Variants in LRRC7 observed in about 807,000 individuals in gnomAD.
The protein encoded by LRRC7 is leucine rich repeat containing 7.
In LRRC7, 23 loss-of-function variants were observed where a neutral mutation model predicts 175.7. The observed-to-expected ratio is 0.13, with a 90% CI of 0.09 to 0.19. LRRC7 has a LOEUF of 0.19. Ranked by LOEUF, LRRC7 falls within the 10% of genes least tolerant of loss-of-function variation. LRRC7 has a pLI of 1.00. For synonymous variants in LRRC7, 685 were observed against 680.9 expected (o/e 1.01, Z -0.09); for missense variants, 1,354 against 1,904.7 (o/e 0.71, Z 5.38).
chr1:69,933,550 C>T (rs1460212478), intron 8 of LRRC7, among the ~76,000 whole-genome samples: 1 of 152,172 alleles, frequency 6.6e-6, no homozygotes, highest in South Asian at 2.1e-4. Flanking sequence ...CTATAGCTCA[C>T]TCTCTAACTT....
chr1:69,572,227 C>G (rs1310577975), intron 1 of LRRC7, among the ~76,000 whole-genome samples: 1 of 152,064 alleles, frequency 6.6e-6, no homozygotes, highest in Non-Finnish European at 1.5e-5. Context: ...TTTAATTTAG[C>G]AGTCAACATC....
chr1:69,836,694 C>T (rs948185879), intron 6 of LRRC7, among the ~76,000 whole-genome samples: 3 of 151,712 alleles, frequency 2.0e-5, no homozygotes, highest in East Asian at 1.9e-4. Flanking sequence ...TTCTGTACTC[C>T]TAAAAGCCAA....
At chr1:69,900,958 AT>A (rs1427252784) in intron 7 of LRRC7, among the ~76,000 whole-genome samples, 2 of 152,234 alleles carry the variant, frequency 1.3e-5, no homozygotes, top group African/African-American at 4.8e-5. Context: ...ATTACAATGT[AT>A]ACAGTGGTTT....
intron 7 of LRRC7, among the ~76,000 whole-genome samples, chr1:69,908,384 T>C: frequency 6.6e-6 from 1 of 151,936 alleles, no homozygotes; most frequent in Non-Finnish European, 1.5e-5. Flanking sequence ...TTTCCTGCTT[T>C]CTCTTGTGGG....
chr1:69,755,802 G>A (rs1044215457), intron 2 of LRRC7, among the ~76,000 whole-genome samples: 1 of 151,830 alleles, frequency 6.6e-6, no homozygotes, highest in Non-Finnish European at 1.5e-5. Context: ...TTTTTCTCCA[G>A]AATATTTTTC....
intron 4 of LRRC7, among the ~76,000 whole-genome samples, chr1:69,813,607 A>G (rs2101156158): frequency 6.6e-6 from 1 of 152,308 alleles, no homozygotes; most frequent in African/African-American, 2.4e-5. Flanking sequence ...TTTAAATTAA[A>G]TATACCATTT....
chr1:69,902,307 C>T (rs1442101399), intron 7 of LRRC7, among the ~76,000 whole-genome samples: 1 of 152,178 alleles, frequency 6.6e-6, no homozygotes, highest in Admixed American at 6.5e-5. Context: ...TGGTGGCTCA[C>T]ACCTGTAATC....
chr1:69,689,856 G>C (rs1661620979), intron 2 of LRRC7, among the ~76,000 whole-genome samples: 1 of 152,098 alleles, frequency 6.6e-6, no homozygotes, highest in Non-Finnish European at 1.5e-5. Context: ...GTACTAGGCT[G>C]AATTTTCTCT....
intron 7 of LRRC7, among the ~76,000 whole-genome samples, chr1:69,857,992 G>C (rs1363590842): frequency 2.0e-5 from 3 of 151,976 alleles, no homozygotes; most frequent in East Asian, 3.9e-4. Context: ...ACAAACCTGA[G>C]AAAAACAAGA....
chr1:69,887,932 G>T (rs12754241), intron 7 of LRRC7, among the ~76,000 whole-genome samples: 54,717 of 140,592 alleles, frequency 0.39, 12,057 homozygotes, highest in East Asian at 0.53. Flanking sequence ...GGCTGCTCAG[G>T]GGTCAGGGGT....
chr1:69,959,096 A>G (rs1650787179), intron 8 of LRRC7, among the ~76,000 whole-genome samples: 1 of 152,078 alleles, frequency 6.6e-6, no homozygotes, highest in Non-Finnish European at 1.5e-5. Flanking sequence ...AAAGTAGCAA[A>G]GTTGCAAGCA....
intron 24 of LRRC7, among the ~76,000 whole-genome samples, chr1:70,079,038 A>G (rs966706006): frequency 3.9e-5 from 6 of 152,228 alleles, no homozygotes; most frequent in Non-Finnish European, 7.3e-5. Context: ...CTCATAATGA[A>G]ACTATTTCAT....
intron 4 of LRRC7, among the ~76,000 whole-genome samples, chr1:69,793,820 T>C (rs972873610): frequency 6.6e-5 from 10 of 152,138 alleles, no homozygotes; most frequent in African/African-American, 2.4e-4. Context: ...AAATATCTAT[T>C]CAATGAATTC....
intron 17 of LRRC7, among the ~76,000 whole-genome samples, chr1:70,026,157 CT>C (rs2101989015): frequency 6.6e-6 from 1 of 152,208 alleles, no homozygotes; most frequent in Non-Finnish European, 1.5e-5. Flanking sequence ...AGGAAGAACA[CT>C]TCACATTTCT....
intron 1 of LRRC7, among the ~76,000 whole-genome samples, chr1:69,616,025 A>C (rs373596672): frequency 6.6e-6 from 1 of 152,086 alleles, no homozygotes; most frequent in African/African-American, 2.4e-5. Context: ...AAGACAAGGC[A>C]AATTTTAAAT....
intron 11 of LRRC7, among the ~76,000 whole-genome samples, chr1:69,999,624 T>C (rs1166743592): frequency 6.6e-6 from 1 of 152,140 alleles, no homozygotes; most frequent in African/African-American, 2.4e-5. Flanking sequence ...TAGATGGAAG[T>C]ATCCACTCAA....
At chr1:70,097,204 T>G (rs1261399993) in intron 25 of LRRC7, among the ~76,000 whole-genome samples, 8 of 152,204 alleles carry the variant, frequency 5.3e-5, no homozygotes, top group Non-Finnish European at 1.0e-4. Context: ...GCCACTTTAT[T>G]AGTCAACATA....
rs560528227 is a variant in LRRC7 at position 69,715,363 on chromosome 1, G to A, written c.100+36885G>A. Among the ~76,000 whole-genome samples the A allele has an allele frequency of 3.9e-5, 6 of 152,156 alleles. No homozygotes were observed. In the East Asian group the frequency reaches 1.2e-3, roughly 29 times the overall value. On this transcript the variant is annotated intron_variant, in intron 2 of 26. Coordinates refer to ENST00000651989, the MANE Select transcript of LRRC7 (RefSeq NM_001370785.2). ...GATATAGATATAAAGGCTCTATATT[G>A]AGTATTCAAATTAATAAATTTAAAG... is the stretch of plus-strand genomic sequence containing the variant.
chr1:69,629,340 A>T (rs1204710886), intron 1 of LRRC7, among the ~76,000 whole-genome samples: 1 of 152,170 alleles, frequency 6.6e-6, no homozygotes, highest in African/African-American at 2.4e-5. Flanking sequence ...TTGAATAGAG[A>T]TTTTGTTTGA....
Sources: allele counts gnomAD v4.1 joint callset (sites outside exome capture counted in the v4.1 genomes callset), GRCh38; gene constraint gnomAD v4.1.1; transcripts MANE v1.5; gene names NCBI Gene and HGNC (gene_info 2026-07-23, HGNC 2026-07-21).